Variants in DGKH observed in about 807,000 individuals in gnomAD.
DGKH encodes diacylglycerol kinase eta.
A neutral mutation model predicts 159.3 loss-of-function variants in DGKH; 90 were observed. The observed-to-expected ratio is 0.57, with a 90% CI of 0.48 to 0.67. DGKH has a LOEUF of 0.67. DGKH is among the 30% of genes least tolerant of loss of function. The pLI, the probability that DGKH is intolerant of heterozygous loss-of-function variation, is 0.00. For missense variants in DGKH, 1,181 were observed against 1,506.1 expected (o/e 0.78, Z 3.57); for synonymous variants, 536 against 553.8 (o/e 0.97, Z 0.45).
Position 42,160,074 on chromosome 13 carries a change from G to T in DGKH, c.793G>T (p.Asp265Tyr). 1 of 1,614,228 alleles carries T rather than the reference G, an allele frequency of 6.2e-7. No individual in the cohort carries two copies. Among genetic ancestry groups the T allele is most frequent in the South Asian group, 1.1e-5 (1 of 91,088 alleles). The change falls in exon 7 of 30, where the codon GAC becomes TAC. Residue 265 changes from aspartate (D) to tyrosine (Y), a missense_variant. Transcript: ENST00000337343. ...LPVSAKCAVC[D>Y]KTCGSVLRLQ... is the part of the protein sequence containing the mutation. ...TGTAAGTGCCAAGTGTGCTGTCTGC[G>T]ACAAAACATGTGGCAGTGTTCTCCG...
intron 5 of DGKH, 105 bp downstream of exon 5, chr13:42,155,904 C>A: frequency 3.9e-6 from 5 of 1,297,882 alleles, no homozygotes; most frequent in Non-Finnish European, 5.2e-6. Context: ...ACACATAGGA[C>A]TAGCTTGGAA....
rs563494968 is a variant in DGKH at position 42,234,094 on chromosome 13, G to A, written c.*4906G>A. ...TTAATAATTCCTTAAAATAGTGCCTGAAGAATAATATTTCATATTCTTGAC... is the reference window on the plus strand; with the variant it reads ...TTAATAATTCCTTAAAATAGTGCCTAAAGAATAATATTTCATATTCTTGAC... On this transcript the variant is annotated 3_prime_UTR_variant, in exon 30 of 30. Transcript: ENST00000337343. The A allele has an allele frequency of 6.6e-6, 1 of 151,952 alleles. No homozygotes were observed. Among genetic ancestry groups the A allele is most frequent in the South Asian group, 2.1e-4 (1 of 4,798 alleles). 9.4% of individuals were successfully genotyped at this position (151,952 alleles called of 1,614,324 possible). A position where few individuals can be genotyped will look rare whatever the true frequency, so the allele number is the denominator to read the frequency against.
intron 1 of DGKH, among the ~76,000 whole-genome samples, chr13:42,075,850 T>C (rs1241248740): frequency 1.3e-5 from 2 of 152,242 alleles, no homozygotes; most frequent in East Asian, 3.8e-4. Context: ...TGTTACCTAA[T>C]TCCATCCTTG....
intron 12 of DGKH, 61 bp from the exon 13 acceptor site, chr13:42,178,074 A>G: frequency 7.8e-7 from 1 of 1,286,378 alleles, no homozygotes; most frequent in Non-Finnish European, 1.1e-6. Flanking sequence ...CTGGAGCAGC[A>G]ATAAGTGAGT....
upstream of DGKH, among the ~76,000 whole-genome samples, chr13:42,048,336 G>A (rs1880944994): frequency 6.6e-6 from 1 of 152,096 alleles, no homozygotes; most frequent in African/African-American, 2.4e-5. The surrounding 1 kb of genome is among the most constrained non-coding windows in gnomAD (Gnocchi z 6.7). Context: ...GAAGTGAGAG[G>A]GGGTGTGCGG....
intron 3 of DGKH, among the ~76,000 whole-genome samples, chr13:42,148,445 G>A (rs1178603267): frequency 1.3e-5 from 2 of 152,096 alleles, no homozygotes; most frequent in Non-Finnish European, 2.9e-5. Context: ...TTTTATCTCT[G>A]TCAGCTGCTG....
At chr13:42,182,400 C>G (rs2138076282) in intron 13 of DGKH, among the ~76,000 whole-genome samples, 1 of 152,168 alleles carries the variant, frequency 6.6e-6, no homozygotes, top group South Asian at 2.1e-4. Flanking sequence ...GTATATAGTC[C>G]TCCCTCTCTA....
chr13:42,161,684 G>A (rs1373710402), intron 7 of DGKH, among the ~76,000 whole-genome samples: 2 of 152,052 alleles, frequency 1.3e-5, no homozygotes, highest in African/African-American at 4.8e-5. Flanking sequence ...GGAGGCTGAG[G>A]CAGGAGAATT....
intron 1 of DGKH, among the ~76,000 whole-genome samples, chr13:42,109,658 G>A (rs773784755): frequency 5.8e-5 from 5 of 86,646 alleles, no homozygotes; most frequent in African/African-American, 2.0e-4. Flanking sequence ...GTGCCTGTGC[G>A]TGCGTGTGTG....
chr13:42,105,793 T>G (rs1954740270), intron 1 of DGKH, among the ~76,000 whole-genome samples: 1 of 152,212 alleles, frequency 6.6e-6, no homozygotes, highest in Non-Finnish European at 1.5e-5. Flanking sequence ...ATCTTAAATA[T>G]GGCCTTCGAT....
intron 15 of DGKH, 94 bp from the exon 16 acceptor site, chr13:42,190,309 G>T: frequency 6.9e-7 from 1 of 1,441,962 alleles, no homozygotes; most frequent in East Asian, 2.6e-5. Context: ...ATTTTGTTTG[G>T]CATATGTTTC....
chr13:42,058,790 A>C (rs1029152983), intron 1 of DGKH, among the ~76,000 whole-genome samples: 1 of 152,184 alleles, frequency 6.6e-6, no homozygotes, highest in Admixed American at 6.5e-5. Context: ...GGGACTCTCC[A>C]TGCCTTATGT....
At chr13:42,142,995 C>T (rs1955609148) in intron 3 of DGKH, among the ~76,000 whole-genome samples, 1 of 151,916 alleles carries the variant, frequency 6.6e-6, no homozygotes, top group Non-Finnish European at 1.5e-5. Context: ...GGGAATGCTT[C>T]CAGTTTTTGC....
At position 42,133,184 on chromosome 13, in the gene DGKH, A is replaced by T. The variant is rs1326726744; in HGVS notation, c.384+3552A>T. 1.1e-4 allele frequency among the ~76,000 whole-genome samples: 16 copies of T among 145,894 alleles called. 1 individual carries two copies. Among genetic ancestry groups the T allele is most frequent in the South Asian group, 2.2e-4 (1 of 4,588 alleles). On this transcript the variant is annotated intron_variant, in intron 3 of 29. Coordinates refer to ENST00000337343, the MANE Select transcript of DGKH (RefSeq NM_178009.5). ...AGACTTTGTCTCAAAAAAAAAAAAA[A>T]TTTTTTTTTTTACTATTTATTTTTA... is the stretch of plus-strand genomic sequence containing the variant.
intron 3 of DGKH, among the ~76,000 whole-genome samples, chr13:42,150,953 G>A (rs2137930657): frequency 6.6e-6 from 1 of 152,122 alleles, no homozygotes; most frequent in South Asian, 2.1e-4. Context: ...AGGAATCAGA[G>A]AGTCAGAGAA....
chr13:42,234,738 T>G lies in DGKH; in HGVS notation c.*5550T>G, dbSNP rs1958381428. On this transcript the variant is annotated 3_prime_UTR_variant, in exon 30 of 30. Coordinates refer to ENST00000337343, the MANE Select transcript of DGKH (RefSeq NM_178009.5). ...CCTCCCAGAGCAGTCCCCACAGCACTTGGTTGCCATGGGTTTCTCTCCTCT... is the reference window on the plus strand; with the variant it reads ...CCTCCCAGAGCAGTCCCCACAGCACGTGGTTGCCATGGGTTTCTCTCCTCT... The G allele has an allele frequency of 6.6e-6, 1 of 152,176 alleles. No homozygotes were observed. Among genetic ancestry groups the G allele is most frequent in the African/African-American group, 2.4e-5 (1 of 41,446 alleles). 9.4% of individuals were successfully genotyped at this position (152,176 alleles called of 1,614,324 possible). A position where few individuals can be genotyped will look rare whatever the true frequency, so the allele number is the denominator to read the frequency against.
upstream of DGKH, among the ~76,000 whole-genome samples, chr13:42,044,618 T>C (rs1465773766): frequency 6.6e-6 from 1 of 152,208 alleles, no homozygotes; most frequent in Non-Finnish European, 1.5e-5. Flanking sequence ...CGCAGCCATG[T>C]TGAGCTGTTG....
intron 1 of DGKH, among the ~76,000 whole-genome samples, chr13:42,050,783 G>C (rs1881222304): frequency 6.6e-6 from 1 of 152,156 alleles, no homozygotes; most frequent in Admixed American, 6.5e-5. Context: ...CTTGAGCCCA[G>C]GAGTTCAAGG....
At chr13:42,147,198 G>GA (rs766478056) in intron 3 of DGKH, among the ~76,000 whole-genome samples, 8 of 152,144 alleles carry the variant, frequency 5.3e-5, no homozygotes, top group Non-Finnish European at 1.2e-4. Context: ...ATTAAGAGTT[G>GA]AAAATGGGAA....
Sources: allele counts gnomAD v4.1 joint callset (sites outside exome capture counted in the v4.1 genomes callset), GRCh38; gene constraint gnomAD v4.1.1; non-coding constraint Gnocchi (gnomAD v3.1); transcripts MANE v1.5; gene names NCBI Gene and HGNC (gene_info 2026-07-23, HGNC 2026-07-21).